MECOM: variants seen among roughly 807,000 people sequenced by gnomAD.
The protein encoded by MECOM is MDS1 and EVI1 complex locus.
In MECOM, 13 loss-of-function variants were observed where a neutral mutation model predicts 116.3. The observed-to-expected ratio is 0.11, with a 90% CI of 0.07 to 0.18. MECOM has a LOEUF of 0.18. Ranked by LOEUF, MECOM falls within the 10% of genes least tolerant of loss-of-function variation. The pLI is 1.00. For synonymous variants in MECOM, 528 were observed against 535.2 expected (o/e 0.99, Z 0.19); for missense variants, 1,299 against 1,509.0 (o/e 0.86, Z 2.31).
intron 2 of MECOM, among the ~76,000 whole-genome samples, chr3:169,368,623 A>G (rs1326329417): frequency 6.6e-6 from 1 of 152,022 alleles, no homozygotes; most frequent in African/African-American, 2.4e-5. Context: ...GTTATTTCCT[A>G]TTACTTCTCA....
In MECOM at chr3:169,265,762, T is replaced by C. The variant is rs1758200754; in HGVS notation, c.375+115425A>G. 6.6e-5 allele frequency among the ~76,000 whole-genome samples: 10 copies of C among 152,180 alleles called. No individual in the cohort carries two copies. In the South Asian group the frequency reaches 2.1e-3, roughly 32 times the overall value. On this transcript the variant is annotated intron_variant, in intron 2 of 16. Transcript: ENST00000651503. ...TGTTCTACCCCCAGTACTTCCTATG[T>C]TTTCTCATGCAGGTGGCATATCAGA...
At chr3:169,199,410 G>C (rs985593373) in intron 2 of MECOM, among the ~76,000 whole-genome samples, 1 of 151,884 alleles carries the variant, frequency 6.6e-6, no homozygotes, top group Non-Finnish European at 1.5e-5. Flanking sequence ...CTTTTCTTTT[G>C]TTTTCTTTCT....
At chr3:169,361,396 G>A (rs944737665) in intron 2 of MECOM, among the ~76,000 whole-genome samples, 1 of 151,748 alleles carries the variant, frequency 6.6e-6, no homozygotes, top group African/African-American at 2.4e-5. Context: ...AACCTCAAGA[G>A]CTCTAACCTA....
intron 1 of MECOM, among the ~76,000 whole-genome samples, chr3:169,636,080 A>G (rs1221961769): frequency 6.6e-6 from 1 of 152,190 alleles, no homozygotes; most frequent in Non-Finnish European, 1.5e-5. Context: ...AAAGCTTGAG[A>G]GCATTCTGTC....
chr3:169,102,387 G>C (rs1295964074), intron 10 of MECOM, among the ~76,000 whole-genome samples, 161 bp from the exon 11 acceptor site: 3 of 152,166 alleles, frequency 2.0e-5, no homozygotes, highest in African/African-American at 7.2e-5. Context: ...CAACAGAATT[G>C]ATTTATTTGG....
chr3:169,326,207 G>A (rs1384279902), intron 2 of MECOM, among the ~76,000 whole-genome samples: 2 of 152,132 alleles, frequency 1.3e-5, no homozygotes, highest in African/African-American at 4.8e-5. Context: ...AGAGAGAGAG[G>A]AGAGCCTTCT....
rs189052526 is a variant in MECOM, at chr3:169,269,860, T to C, written c.375+111327A>G. 1.8e-4 allele frequency among the ~76,000 whole-genome samples: 28 copies of C among 152,310 alleles called. 1 individual carries two copies. The East Asian group carries it at 5.2e-3, about 28-fold the overall frequency. ...TTGGTTTCTTCAATTTTATTCAAAC[T>C]TTAAAAGAGAGTAGGTTTGTGTTAT... On this transcript the variant is annotated intron_variant, in intron 2 of 16. Transcript: ENST00000651503.
chr3:169,253,030 A>T (rs796628978), intron 2 of MECOM, among the ~76,000 whole-genome samples: 19 of 152,334 alleles, frequency 1.2e-4, no homozygotes, highest in African/African-American at 4.6e-4. Context: ...GACATTCAAA[A>T]GCCTTGTGAG....
intron 2 of MECOM, among the ~76,000 whole-genome samples, chr3:169,224,454 G>A (rs1332824873): frequency 2.0e-5 from 3 of 152,072 alleles, no homozygotes; most frequent in Non-Finnish European, 4.4e-5. Flanking sequence ...TGGCTTCCTA[G>A]GGTTCTCAAA....
At chr3:169,641,440 G>A (rs1468261281) in intron 1 of MECOM, among the ~76,000 whole-genome samples, 2 of 152,182 alleles carry the variant, frequency 1.3e-5, no homozygotes, top group African/African-American at 4.8e-5. Flanking sequence ...TCTGGCTTCT[G>A]TGCAATGGAG....
chr3:169,512,757 C>T (rs566861004), intron 1 of MECOM, among the ~76,000 whole-genome samples: 1 of 151,986 alleles, frequency 6.6e-6, no homozygotes, highest in East Asian at 1.9e-4. Flanking sequence ...GCTCCCCCTT[C>T]CCACTTCTTC....
chr3:169,464,673 A>G lies in MECOM; in HGVS notation c.38-83149T>C, dbSNP rs528215847. ...TTTAAATCTATTGAGCTTTATGGTCATATGTATCCCTTTAAACGGTATTTT... is the reference window on the plus strand; with the variant it reads ...TTTAAATCTATTGAGCTTTATGGTCGTATGTATCCCTTTAAACGGTATTTT... On this transcript the variant is annotated intron_variant, in intron 1 of 16. Coordinates refer to ENST00000651503, the MANE Select transcript of MECOM (RefSeq NM_004991.4). Among the ~76,000 whole-genome samples the G allele has an allele frequency of 1.6e-3, 250 of 152,228 alleles. 1 individual carries two copies. Among genetic ancestry groups the G allele is most frequent in the African/African-American group, 5.6e-3 (234 of 41,544 alleles).
intron 1 of MECOM, among the ~76,000 whole-genome samples, chr3:169,406,046 A>G (rs776080812): frequency 6.6e-6 from 1 of 152,170 alleles, no homozygotes; most frequent in Non-Finnish European, 1.5e-5. Context: ...AACACCACCC[A>G]TACTTCTACA....
chr3:169,497,388 C>T (rs1380102029), intron 1 of MECOM, among the ~76,000 whole-genome samples: 1 of 151,364 alleles, frequency 6.6e-6, no homozygotes. Context: ...CTCTGTTGCC[C>T]AGGCTGGAGT....
In MECOM at chr3:169,487,419, A is replaced by G. The variant is rs116964093; in HGVS notation, c.38-105895T>C. 1.1e-3 allele frequency among the ~76,000 whole-genome samples: 173 copies of G among 152,222 alleles called. 6 individuals are homozygous for G. The East Asian group carries it at 0.029, about 26-fold the overall frequency. On this transcript the variant is annotated intron_variant, in intron 1 of 16. Transcript: ENST00000651503. ...GACAATCTGAATTAATGTGATCTAC[A>G]GTGTTTCCATATTTCAGAAAGAGGG...
intron 2 of MECOM, among the ~76,000 whole-genome samples, chr3:169,217,761 G>A (rs1751591066): frequency 6.6e-6 from 1 of 151,578 alleles, no homozygotes; most frequent in Non-Finnish European, 1.5e-5. Context: ...TCCAACCTGG[G>A]CAACAGAGCG....
intron 14 of MECOM, among the ~76,000 whole-genome samples, chr3:169,091,850 TTAA>T (rs397875152): frequency 1.2e-5 from 1 of 84,198 alleles, no homozygotes; most frequent in Non-Finnish European, 2.9e-5. Context: ...CATAAAATAA[TTAA>T]TTTTGACTTT....
chr3:169,146,415 G>C (rs1739940970), intron 2 of MECOM: 1 of 1,393,784 alleles, frequency 7.2e-7, no homozygotes, highest in South Asian at 1.1e-5. Flanking sequence ...GACACACGGA[G>C]GGAGGGGAAG....
At chr3:169,106,342 G>A (rs1269972340) in intron 10 of MECOM, among the ~76,000 whole-genome samples, 1 of 151,844 alleles carries the variant, frequency 6.6e-6, no homozygotes, top group East Asian at 1.9e-4. Context: ...TATATCTGTG[G>A]GATACATGAG....
Sources: gnomAD v4.1 joint callset for allele counts (sites outside exome capture counted in the v4.1 genomes callset) on GRCh38, gnomAD v4.1.1 for gene constraint, MANE v1.5 for transcripts, NCBI Gene and HGNC (gene_info 2026-07-23, HGNC 2026-07-21) for gene names.